AXDND1: variants seen among roughly 807,000 people sequenced by gnomAD.
AXDND1 encodes the protein axonemal dynein light chain domain containing 1, also known as axonemal dynein light chain domain-containing protein 1.
Under a neutral mutation model 137.5 loss-of-function variants are expected in AXDND1, and 110 were observed. The observed-to-expected ratio is 0.80, with a 90% confidence interval of 0.69 to 0.94. The LOEUF (loss-of-function observed/expected upper bound fraction) is 0.94. Among genes scored for constraint, AXDND1 ranks in the 40% least tolerant of loss-of-function variants. The pLI, the probability that AXDND1 is intolerant of heterozygous loss-of-function variation, is 0.00. For synonymous variants in AXDND1, 414 were observed against 399.7 expected (o/e 1.04, Z -0.43); for missense variants, 1,191 against 1,169.8 (o/e 1.02, Z -0.26).
chr1:179,378,639 A>C lies in AXDND1; in HGVS notation c.377A>C (p.Asp126Ala). ...HPVSLTGAGR[D>A]ISFLYDVTYA... ...AATATATTTTTCTTACTTTTTAGGGATATTTCTTTTCTGTACGATGTAACA... is the reference window on the plus strand; with the variant it reads ...AATATATTTTTCTTACTTTTTAGGGCTATTTCTTTTCTGTACGATGTAACA... Residue 126 changes from aspartate (D) to alanine (A), a missense_variant and splice_region_variant, in exon 5 of 26, where the codon GAT becomes GCT. Physicochemically the swap from Asp to Ala is moderately radical, Grantham distance 126. Transcript: ENST00000367618. The C allele has an allele frequency of 6.4e-7, 1 of 1,570,114 alleles. No individual in the cohort carries two copies. Among genetic ancestry groups the C allele is most frequent in the South Asian group, 1.2e-5 (1 of 82,998 alleles).
At chr1:179,528,517 T>A (rs1329121836) in intron 23 of AXDND1, 86 bp downstream of exon 23, 3 of 820,552 alleles carry the variant, frequency 3.7e-6, no homozygotes, top group Non-Finnish European at 5.7e-6. Flanking sequence ...TTTTAGCTAC[T>A]CTAAGGGGAC....
At chr1:179,497,102 A>G (rs895322082) in intron 20 of AXDND1, among the ~76,000 whole-genome samples, 1 of 152,064 alleles carries the variant, frequency 6.6e-6, no homozygotes, top group African/African-American at 2.4e-5. Flanking sequence ...GACTTGTTTG[A>G]GAACCTAGAA....
chr1:179,443,241 C>T (rs1659263288), intron 15 of AXDND1, among the ~76,000 whole-genome samples: 1 of 152,162 alleles, frequency 6.6e-6, no homozygotes, highest in South Asian at 2.1e-4. Flanking sequence ...CTGAGTTGGT[C>T]CCGTCCCACG....
chr1:179,541,326 A>G (rs570536627), intron 25 of AXDND1, among the ~76,000 whole-genome samples: 1 of 152,140 alleles, frequency 6.6e-6, no homozygotes, highest in Non-Finnish European at 1.5e-5. Flanking sequence ...CTCTCCCTCC[A>G]TGGCCTGCAC....
intron 12 of AXDND1, among the ~76,000 whole-genome samples, chr1:179,419,112 AGAC>A (rs1236655336): frequency 6.7e-6 from 1 of 149,924 alleles, no homozygotes; most frequent in Non-Finnish European, 1.5e-5. Flanking sequence ...GGCCGGGCAG[AGAC>A]GCTCCTCACT....
chr1:179,497,142 A>G (rs945427922), intron 20 of AXDND1, among the ~76,000 whole-genome samples: 1 of 152,210 alleles, frequency 6.6e-6, no homozygotes, highest in African/African-American at 2.4e-5. Context: ...TGTTCCATGT[A>G]CAATTGAGAA....
intron 20 of AXDND1, among the ~76,000 whole-genome samples, chr1:179,500,050 G>A (rs1173893608): frequency 6.6e-6 from 1 of 151,968 alleles, no homozygotes; most frequent in African/African-American, 2.4e-5. Flanking sequence ...AAAGAAGAGG[G>A]AATACTTTTT....
At chr1:179,513,748 A>G (rs1344249707) in intron 21 of AXDND1, among the ~76,000 whole-genome samples, 3 of 151,854 alleles carry the variant, frequency 2.0e-5, no homozygotes, top group African/African-American at 7.2e-5. Flanking sequence ...GGTGCTTGCT[A>G]TTGGTCTGTT....
chr1:179,457,052 G>A (rs1470567227), intron 16 of AXDND1: 1 of 1,473,228 alleles, frequency 6.8e-7, no homozygotes, highest in Non-Finnish European at 9.4e-7. Flanking sequence ...TGGTCTTTGA[G>A]AATCTTCTCT....
At chr1:179,419,662 G>T (rs1471042981) in intron 12 of AXDND1, among the ~76,000 whole-genome samples, 3 of 119,600 alleles carry the variant, frequency 2.5e-5, no homozygotes, top group Non-Finnish European at 5.3e-5. Flanking sequence ...AGGGGGAGGG[G>T]GAGGGAGACA....
At chr1:179,493,099 T>C (rs919473162) in intron 20 of AXDND1, 148 bp downstream of exon 20, 4 of 528,022 alleles carry the variant, frequency 7.6e-6, no homozygotes, top group African/African-American at 5.9e-5. Context: ...TAAAAACAAT[T>C]AATAAAAATG....
chr1:179,442,193 C>G (rs1659084842), intron 15 of AXDND1, among the ~76,000 whole-genome samples: 1 of 152,156 alleles, frequency 6.6e-6, no homozygotes, highest in African/African-American at 2.4e-5. Context: ...CGAGGCCGTA[C>G]AGATGTTTCT....
At chr1:179,475,715 A>G (rs539461464) in intron 17 of AXDND1, among the ~76,000 whole-genome samples, 3 of 152,326 alleles carry the variant, frequency 2.0e-5, no homozygotes, top group South Asian at 2.1e-4. Context: ...AAATGCTGAA[A>G]TGAGTTTAGA....
chr1:179,408,490 C>T (rs1345302276), intron 11 of AXDND1, among the ~76,000 whole-genome samples: 1 of 151,962 alleles, frequency 6.6e-6, no homozygotes, highest in East Asian at 1.9e-4. Flanking sequence ...TATTCTTCTG[C>T]CTCAGCCTCC....
chr1:179,374,531 T>A (rs554711002), intron 4 of AXDND1, among the ~76,000 whole-genome samples: 2 of 152,272 alleles, frequency 1.3e-5, no homozygotes, highest in East Asian at 3.9e-4. Flanking sequence ...CACACATATG[T>A]TTATTGCGGC....
In AXDND1 at chr1:179,429,571, A is replaced by G. The variant is rs1232287920; in HGVS notation, c.1284A>G (p.Lys428=). 5 of 1,577,120 alleles carry G rather than the reference A, an allele frequency of 3.2e-6. No individual in the cohort carries two copies. In the Admixed American group the frequency reaches 7.7e-5, roughly 24 times the overall value. The change falls in exon 13 of 26, where the codon AAA becomes AAG. Residue 428 remains lysine, a synonymous_variant. Coordinates refer to ENST00000367618, the MANE Select transcript of AXDND1 (RefSeq NM_144696.6). The part of the protein sequence containing the change: ...ILARRLYLNE[K]GWNKYTKHFI... ...CTAGAAGACTTTACCTTAATGAAAAAGGCTGGAATAAATACACTAAGCATT... is the reference window on the plus strand; with the variant it reads ...CTAGAAGACTTTACCTTAATGAAAAGGGCTGGAATAAATACACTAAGCATT...
intron 21 of AXDND1, among the ~76,000 whole-genome samples, chr1:179,520,424 G>C (rs1669944028): frequency 6.6e-6 from 1 of 151,936 alleles, no homozygotes; most frequent in African/African-American, 2.4e-5. Context: ...TGCTATTCTT[G>C]CTTACTTATT....
intron 2 of AXDND1, 74 bp downstream of exon 2, chr1:179,366,680 T>C: frequency 7.7e-7 from 1 of 1,292,996 alleles, no homozygotes; most frequent in Non-Finnish European, 1.1e-6. Context: ...TCACCGGTTT[T>C]TTAAATCTGA....
intron 17 of AXDND1, among the ~76,000 whole-genome samples, chr1:179,482,595 T>A (rs945168381): frequency 6.6e-6 from 1 of 152,130 alleles, no homozygotes; most frequent in Non-Finnish European, 1.5e-5. Flanking sequence ...ATGGTTCAAA[T>A]ACCATAGATT....
Sources: gnomAD v4.1 joint callset for allele counts (sites outside exome capture counted in the v4.1 genomes callset) on GRCh38, gnomAD v4.1.1 for gene constraint, MANE v1.5 for transcripts, NCBI Gene and HGNC (gene_info 2026-07-23, HGNC 2026-07-21) for gene names.